EXOC6B: variants seen among roughly 807,000 people sequenced by gnomAD.
EXOC6B encodes the protein exocyst complex component 6B.
A neutral mutation model predicts 113.5 loss-of-function variants in EXOC6B; 54 were observed. The observed-to-expected ratio is 0.48, with a 90% CI of 0.38 to 0.60. The LOEUF is 0.60. Ranked by LOEUF, EXOC6B falls within the 20% of genes least tolerant of loss-of-function variation. The probability of loss-of-function intolerance (pLI) is 0.00; values close to 1 mark genes in which losing one functional copy is unlikely to be tolerated. For synonymous variants in EXOC6B, 357 were observed against 339.0 expected (o/e 1.05, Z -0.58); for missense variants, 797 against 977.5 (o/e 0.82, Z 2.46).
At chr2:72,384,412 T>C (rs537660493) in intron 18 of EXOC6B, among the ~76,000 whole-genome samples, 160 of 152,190 alleles carry the variant, frequency 1.1e-3, no homozygotes, top group African/African-American at 3.8e-3. Flanking sequence ...GCTAATGTCA[T>C]ACACAAAAGT....
chr2:72,407,971 G>A (rs1205078792), intron 18 of EXOC6B, among the ~76,000 whole-genome samples: 5 of 152,198 alleles, frequency 3.3e-5, no homozygotes, highest in Non-Finnish European at 2.9e-5. Flanking sequence ...AAACCCCATC[G>A]TCTCAGCCCA....
intron 11 of EXOC6B, among the ~76,000 whole-genome samples, chr2:72,501,047 C>G (rs1700294840): frequency 6.6e-6 from 1 of 152,186 alleles, no homozygotes; most frequent in African/African-American, 2.4e-5. Flanking sequence ...AATACCACCA[C>G]TTCCGCTTCC....
At chr2:72,748,090 A>G (rs1312644937) in intron 1 of EXOC6B, among the ~76,000 whole-genome samples, 1 of 152,046 alleles carries the variant, frequency 6.6e-6, no homozygotes, top group African/African-American at 2.4e-5. Context: ...GGTGGATGCA[A>G]AAGTGTATCC....
At chr2:72,459,813 T>G (rs1220501420) in intron 18 of EXOC6B, among the ~76,000 whole-genome samples, 1 of 152,164 alleles carries the variant, frequency 6.6e-6, no homozygotes, top group Admixed American at 6.5e-5. Flanking sequence ...GCCATCCCCA[T>G]CAAGCTACCA....
intron 6 of EXOC6B, among the ~76,000 whole-genome samples, chr2:72,700,237 A>AACACACACAC (rs3034948): frequency 0.044 from 6,292 of 142,316 alleles, 175 homozygotes; most frequent in Non-Finnish European, 0.057. Context: ...AGACCACAGA[A>AACACACACAC]ACACACACAC....
chr2:72,767,152 G>A (rs926898887), intron 1 of EXOC6B, among the ~76,000 whole-genome samples: 2 of 152,088 alleles, frequency 1.3e-5, no homozygotes, highest in Admixed American at 1.3e-4. Flanking sequence ...TTTCCTGGCC[G>A]AGTGCGGGGG....
chr2:72,742,972 T>A (rs1016723223), intron 1 of EXOC6B, among the ~76,000 whole-genome samples: 3 of 152,094 alleles, frequency 2.0e-5, no homozygotes, highest in Non-Finnish European at 2.9e-5. Flanking sequence ...GTATCTCCAC[T>A]CCCATACCTG....
chr2:72,694,297 C>T (rs1443041235), intron 6 of EXOC6B, among the ~76,000 whole-genome samples: 1 of 152,042 alleles, frequency 6.6e-6, no homozygotes, highest in Non-Finnish European at 1.5e-5. Context: ...CTAAAATTAG[C>T]CAGACATGGT....
At position 72,402,973 on chromosome 2, in the gene EXOC6B, A is replaced by AT. The variant is rs537414838; in HGVS notation, c.1981-23104dup. On this transcript the variant is annotated intron_variant, in intron 18 of 21. Transcript: ENST00000272427. ...ACAACAAAAAACAAACCCAATAAAA[A>AT]TTTTAAAAACCAAGACCAAAAAACC... Among the ~76,000 whole-genome samples, 151 of 152,330 alleles carry AT rather than the reference A, an allele frequency of 9.9e-4. 1 individual carries two copies. In the Middle Eastern group the frequency reaches 0.024, roughly 24 times the overall value.
At chr2:72,527,386 C>T (rs1351234125) in intron 8 of EXOC6B, among the ~76,000 whole-genome samples, 1 of 151,760 alleles carries the variant, frequency 6.6e-6, no homozygotes, top group Non-Finnish European at 1.5e-5. Context: ...TAGTTCTTTC[C>T]TTTATATTGC....
intron 1 of EXOC6B, among the ~76,000 whole-genome samples, chr2:72,780,389 C>T (rs570795627): frequency 1.3e-5 from 2 of 152,114 alleles, no homozygotes; most frequent in African/African-American, 4.8e-5. Flanking sequence ...ATAAAATAAC[C>T]TGATTATACA....
intron 18 of EXOC6B, among the ~76,000 whole-genome samples, chr2:72,401,608 T>C (rs1347317486): frequency 4.9e-4 from 14 of 28,804 alleles, no homozygotes; most frequent in African/African-American, 3.7e-3. Flanking sequence ...TATATGTGTA[T>C]ATATATATAT....
intron 6 of EXOC6B, among the ~76,000 whole-genome samples, chr2:72,595,401 A>G (rs1321720884): frequency 2.0e-5 from 3 of 149,610 alleles, no homozygotes; most frequent in Admixed American, 2.0e-4. Context: ...AAATAATTGT[A>G]TTAAAATAAA....
chr2:72,487,784 A>C (rs1699519185), intron 16 of EXOC6B, among the ~76,000 whole-genome samples: 2 of 152,234 alleles, frequency 1.3e-5, no homozygotes, highest in South Asian at 4.1e-4. Flanking sequence ...ACACAGAGGC[A>C]AAGTGCCCTC....
intron 20 of EXOC6B, among the ~76,000 whole-genome samples, chr2:72,328,853 T>C (rs868286435): frequency 6.6e-6 from 1 of 152,118 alleles, no homozygotes; most frequent in African/African-American, 2.4e-5. Context: ...GATAATGTAC[T>C]TTATGGCTTA....
At chr2:72,607,898 G>T (rs940721157) in intron 6 of EXOC6B, among the ~76,000 whole-genome samples, 2 of 151,954 alleles carry the variant, frequency 1.3e-5, no homozygotes, top group Admixed American at 6.6e-5. Context: ...ATGCTCAATG[G>T]AAAGGAAAAG....
chr2:72,279,739 G>A (rs772075885), intron 20 of EXOC6B, among the ~76,000 whole-genome samples: 11 of 151,700 alleles, frequency 7.3e-5, no homozygotes, highest in East Asian at 1.9e-4. Context: ...TCAGCCTCCC[G>A]AGTAGCTGGG....
chr2:72,367,564 C>T (rs1690707897), intron 19 of EXOC6B, among the ~76,000 whole-genome samples: 1 of 152,108 alleles, frequency 6.6e-6, no homozygotes, highest in Admixed American at 6.6e-5. Context: ...AAACCACTGG[C>T]ACAAGAACCA....
chr2:72,548,389 G>A (rs1279833092), intron 8 of EXOC6B, among the ~76,000 whole-genome samples: 1 of 152,132 alleles, frequency 6.6e-6, no homozygotes, highest in African/African-American at 2.4e-5. Flanking sequence ...GGGGTGAGTG[G>A]AAGGTCGGTT....
Sources: allele counts gnomAD v4.1 joint callset (sites outside exome capture counted in the v4.1 genomes callset), GRCh38; gene constraint gnomAD v4.1.1; transcripts MANE v1.5; gene names NCBI Gene and HGNC (gene_info 2026-07-23, HGNC 2026-07-21).